Variants in KLHL30 observed in about 807,000 individuals in gnomAD.
KLHL30 encodes the protein kelch-like protein 30.
In KLHL30, 55 loss-of-function variants were observed where a neutral mutation model predicts 55.0. The observed-to-expected ratio is 1.00, with a 90% confidence interval of 0.80 to 1.25. KLHL30 has a LOEUF of 1.25. Among genes scored for constraint, KLHL30 ranks in the 50% most tolerant of loss-of-function variants. The pLI, the probability that KLHL30 is intolerant of heterozygous loss-of-function variation, is 0.00. For synonymous variants in KLHL30, 356 were observed against 372.6 expected (o/e 0.96, Z 0.51); for missense variants, 786 against 811.6 (o/e 0.97, Z 0.38).
In KLHL30 at chr2:238,145,050, A is replaced by C. The variant is rs1692623144; in HGVS notation, c.994+62A>C. The C allele has an allele frequency of 1.1e-5, 14 of 1,293,978 alleles. 1 individual carries two copies. In the South Asian group the frequency reaches 1.8e-4, roughly 16 times the overall value. 80.2% of individuals were successfully genotyped at this position (1,293,978 alleles called of 1,614,324 possible). ...CCAGCCAAGCACTGGGCTCAGTGCA[A>C]CTCCCCGCACTCCGTGGGGTCCCTG... is the stretch of plus-strand genomic sequence containing the variant. On this transcript the variant is annotated intron_variant, in intron 4 of 7. Transcript: ENST00000409223.
rs572957754 is a variant in KLHL30, at chr2:238,148,047, A to G, written c.1339+25A>G. 6.8e-5 allele frequency: 93 copies of G among 1,374,246 alleles called. 1 individual carries two copies. The African/African-American group carries it at 1.3e-3, about 19-fold the overall frequency. 85.1% of individuals were successfully genotyped at this position (1,374,246 alleles called of 1,614,324 possible). A position where few individuals can be genotyped will look rare whatever the true frequency, so the allele number is the denominator to read the frequency against. On this transcript the variant is annotated intron_variant, in intron 6 of 7. Coordinates refer to ENST00000409223, the MANE Select transcript of KLHL30 (RefSeq NM_198582.4). ...GGTGGGTGGGGCTCAGGGACCGAGG[A>G]TAGAGGACCACAGGCCCCTCTGACA...
chr2:238,141,576 G>C lies in KLHL30; in HGVS notation c.774+48G>C, dbSNP rs754046532. ...CCATCCCTGGGAAGCAGGGAGGAGAGCCCCAGAGACCCCACCTGAGTAGGG... is the reference window on the plus strand; with the variant it reads ...CCATCCCTGGGAAGCAGGGAGGAGACCCCCAGAGACCCCACCTGAGTAGGG... On this transcript the variant is annotated intron_variant, in intron 2 of 7. Transcript: ENST00000409223. 4.2e-6 allele frequency: 6 copies of C among 1,428,620 alleles called. No individual in the cohort carries two copies. In the East Asian group the frequency reaches 1.5e-4, roughly 36 times the overall value. 88.5% of individuals were successfully genotyped at this position (1,428,620 alleles called of 1,614,324 possible).
chr2:238,142,551 G>A (rs1692561951), intron 2 of KLHL30, among the ~76,000 whole-genome samples: 1 of 152,202 alleles, frequency 6.6e-6, no homozygotes, highest in South Asian at 2.1e-4. Flanking sequence ...CAGGGGCAGG[G>A]AGAAGCTTAT....
In KLHL30 at chr2:238,147,464, G is replaced by A. The variant is rs557923798; in HGVS notation, c.1151-370G>A. 5.9e-5 allele frequency among the ~76,000 whole-genome samples: 9 copies of A among 152,222 alleles called. No homozygotes were observed. Among genetic ancestry groups the A allele is most frequent in the East Asian group, 1.9e-4 (1 of 5,162 alleles). On this transcript the variant is annotated intron_variant, in intron 5 of 7. Coordinates refer to ENST00000409223, the MANE Select transcript of KLHL30 (RefSeq NM_198582.4). The surrounding 1 kb of genome is among the most constrained non-coding windows in gnomAD (Gnocchi z 5.8). ...CTACAGCTCCAGGGTCTCGCAACCC[G>A]CCCTCCCAGGGCTGGCATCCTCCAT...
intron 2 of KLHL30, 62 bp from the exon 3 acceptor site, chr2:238,142,736 CG>C: frequency 7.5e-7 from 1 of 1,336,022 alleles, no homozygotes; most frequent in Non-Finnish European, 9.6e-7. Context: ...GCCCAGGACA[CG>C]CGGGGGCTCA....
At chr2:238,142,266 C>A (rs557846793) in intron 2 of KLHL30, among the ~76,000 whole-genome samples, 4 of 152,328 alleles carry the variant, frequency 2.6e-5, no homozygotes, top group Middle Eastern at 3.4e-3. Flanking sequence ...AACCCTAACC[C>A]CTGTCCCCAC....
Position 238,147,824 on chromosome 2 carries a change from C to A in KLHL30, c.1151-10C>A. 1 of 1,471,084 alleles carries A rather than the reference C, an allele frequency of 6.8e-7. No individual in the cohort carries two copies. The highest frequency in any genetic ancestry group is 9.1e-7 in the Non-Finnish European group (1 of 1,103,512). The allele number at this position is 1,471,084 out of a possible 1,614,324, so 91.1% of individuals were successfully genotyped here. A position where few individuals can be genotyped will look rare whatever the true frequency, so the allele number is the denominator to read the frequency against. ...CCCAGCCCTGAACTGCCCCCGCCCT[C>A]ACCCCACAGGCACCACCCTGGACGT... On this transcript the variant is annotated splice_polypyrimidine_tract_variant and intron_variant, in intron 5 of 7. Transcript: ENST00000409223. This position sits in a 1 kb window ranked among gnomAD's most constrained non-coding sequence, Gnocchi z 5.8.
intron 1 of KLHL30, among the ~76,000 whole-genome samples, chr2:238,140,301 G>A (rs1468366280): frequency 1.3e-5 from 2 of 152,236 alleles, no homozygotes; most frequent in Admixed American, 6.5e-5. Context: ...AGCAATGTGG[G>A]ATCTGGGACG....
intron 1 of KLHL30, among the ~76,000 whole-genome samples, chr2:238,139,425 G>A (rs906661105): frequency 6.6e-6 from 1 of 152,200 alleles, no homozygotes; most frequent in South Asian, 2.1e-4. Context: ...TGTTGGGTGG[G>A]TACTTCGTGT....
At chr2:238,139,327 T>A (rs1015949500) in intron 1 of KLHL30, among the ~76,000 whole-genome samples, 4 of 152,150 alleles carry the variant, frequency 2.6e-5, no homozygotes, top group African/African-American at 9.7e-5. Flanking sequence ...CCCCAGCTCA[T>A]CTCCCGGCTG....
At position 238,147,811 on chromosome 2, in the gene KLHL30, C is replaced by A; in HGVS notation, c.1151-23C>A. ...CTCCCCTCTCCTCCCCAGCCCTGAACTGCCCCCGCCCTCACCCCACAGGCA... is the reference window on the plus strand; with the variant it reads ...CTCCCCTCTCCTCCCCAGCCCTGAAATGCCCCCGCCCTCACCCCACAGGCA... On this transcript the variant is annotated intron_variant, in intron 5 of 7. Transcript: ENST00000409223. This position sits in a 1 kb window ranked among gnomAD's most constrained non-coding sequence, Gnocchi z 5.8. The A allele has an allele frequency of 3.6e-6, 5 of 1,392,104 alleles. No homozygotes were observed. The highest frequency in any genetic ancestry group is 3.8e-6 in the Non-Finnish European group (4 of 1,052,540). The allele number at this position is 1,392,104 out of a possible 1,614,324, so 86.2% of individuals were successfully genotyped here.
chr2:238,144,414 G>GGAAT (rs1692602426), intron 3 of KLHL30, among the ~76,000 whole-genome samples: 40 of 120,762 alleles, frequency 3.3e-4, no homozygotes, highest in African/African-American at 6.6e-4. Flanking sequence ...AAGGAAGGAA[G>GGAAT]GAAGGAAGGA....
In KLHL30 at chr2:238,147,995, G is replaced by T; in HGVS notation, c.1312G>T (p.Ala438Ser). The T allele has an allele frequency of 6.6e-7, 1 of 1,521,800 alleles. No individual in the cohort carries two copies. The highest frequency in any genetic ancestry group is 1.3e-5 in the South Asian group (1 of 78,880). 94.3% of individuals were successfully genotyped at this position (1,521,800 alleles called of 1,614,324 possible). The change falls in exon 6 of 8, where the codon GCC (alanine) becomes TCC (serine). Residue 438 changes from alanine to serine, a missense_variant. Transcript: ENST00000409223. This position sits in a 1 kb window ranked among gnomAD's most constrained non-coding sequence, Gnocchi z 5.8. ...GSSACKYNAL[A>S]LQCYNPVTDA... is the part of the protein sequence containing the mutation. ...CAGCGCCTGCAAGTACAACGCCCTGGCCCTGCAGTGCTACAACCCTGTCAC... is the reference window on the plus strand; with the variant it reads ...CAGCGCCTGCAAGTACAACGCCCTGTCCCTGCAGTGCTACAACCCTGTCAC...
At position 238,152,332 on chromosome 2, in the gene KLHL30, C is replaced by A; in HGVS notation, c.*1267C>A. 4.3e-6 allele frequency: 1 copy of A among 232,396 alleles called. No homozygotes were observed. Among genetic ancestry groups the A allele is most frequent in the Non-Finnish European group, 6.8e-6 (1 of 147,464 alleles). The allele number at this position is 232,396 out of a possible 1,614,324, so 14.4% of individuals were successfully genotyped here. On this transcript the variant is annotated 3_prime_UTR_variant, in exon 8 of 8. Coordinates refer to ENST00000409223, the MANE Select transcript of KLHL30 (RefSeq NM_198582.4). Reference sequence around the variant, plus strand: ...TTGAGCTTCTGTAGGTAGGGATCTGCTTTGCTCCCAGACCTGCCTCTCATA... The same window carrying A: ...TTGAGCTTCTGTAGGTAGGGATCTGATTTGCTCCCAGACCTGCCTCTCATA...
Position 238,151,918 on chromosome 2 carries a change from A to T in KLHL30, c.*853A>T. On this transcript the variant is annotated 3_prime_UTR_variant, in exon 8 of 8. Transcript: ENST00000409223. Reference sequence around the variant, plus strand: ...TGGGTGCATTGGTGGCAGCCTCCTGAGGGTGAGGGGTAGCATCCGATGGGC... The same window carrying T: ...TGGGTGCATTGGTGGCAGCCTCCTGTGGGTGAGGGGTAGCATCCGATGGGC... 5.1e-6 allele frequency: 5 copies of T among 985,440 alleles called. No homozygotes were observed. The highest frequency in any genetic ancestry group is 6.0e-6 in the Non-Finnish European group (5 of 829,952). 61.0% of individuals were successfully genotyped at this position (985,440 alleles called of 1,614,324 possible). A position where few individuals can be genotyped will look rare whatever the true frequency, so the allele number is the denominator to read the frequency against.
Position 238,141,136 on chromosome 2 carries a change from C to T in KLHL30, c.382C>T (p.Gln128Ter), listed in dbSNP as rs1437601593. 6.2e-7 allele frequency: 1 copy of T among 1,611,408 alleles called. No homozygotes were observed. The highest frequency in any genetic ancestry group is 2.2e-5 in the East Asian group (1 of 44,850). The part of the protein sequence containing the change: ...VQKVCGRYLQ[Q>*]QLDAANCLGI... ...GAAGGTCTGCGGCCGCTACCTGCAG[C>T]AGCAACTGGATGCCGCCAACTGCCT... Residue 128 changes from glutamine (Q) to a stop codon, truncating the protein, a stop_gained, in exon 2 of 8, where the codon CAG becomes TAG. Coordinates refer to ENST00000409223, the MANE Select transcript of KLHL30 (RefSeq NM_198582.4). LOFTEE classifies it high-confidence loss of function.
intron 3 of KLHL30, 126 bp from the exon 4 acceptor site, chr2:238,144,775 CT>C: frequency 1.4e-6 from 1 of 738,440 alleles, no homozygotes; most frequent in Non-Finnish European, 2.3e-6. Flanking sequence ...CTGCCCCTCC[CT>C]TTCCCCACCA....
chr2:238,146,319 T>C (rs1050425506), intron 5 of KLHL30, among the ~76,000 whole-genome samples: 2 of 151,122 alleles, frequency 1.3e-5, no homozygotes, highest in African/African-American at 2.4e-5. Context: ...AGGGTCTCTC[T>C]ATGTTACCCA....
chr2:238,144,099 G>A lies in KLHL30; in HGVS notation c.908-803G>A, dbSNP rs541656883. Among the ~76,000 whole-genome samples the A allele has an allele frequency of 3.9e-5, 6 of 152,140 alleles. 1 individual carries two copies. Among genetic ancestry groups the A allele is most frequent in the South Asian group, 4.1e-4 (2 of 4,830 alleles). The stretch of plus-strand genomic sequence containing the variant: ...GCCTCAGTTTACCTCTTGTAGCTCC[G>A]AGAGGCAGGCCTGACTTGGGCACAT... On this transcript the variant is annotated intron_variant, in intron 3 of 7. Coordinates refer to ENST00000409223, the MANE Select transcript of KLHL30 (RefSeq NM_198582.4).
Sources: allele counts gnomAD v4.1 joint callset (sites outside exome capture counted in the v4.1 genomes callset), GRCh38; gene constraint gnomAD v4.1.1; non-coding constraint Gnocchi (gnomAD v3.1); transcripts MANE v1.5; gene names NCBI Gene and HGNC (gene_info 2026-07-23, HGNC 2026-07-21).